Variants in PTPRT observed in about 807,000 individuals in gnomAD.
PTPRT encodes protein tyrosine phosphatase receptor type T.
In PTPRT, 56 loss-of-function variants were observed where a neutral mutation model predicts 176.8. That is an observed-to-expected ratio of 0.32 (90% CI 0.26 to 0.40). The LOEUF is 0.40. Ranked by LOEUF, PTPRT falls within the 10% of genes least tolerant of loss-of-function variation. The pLI is 1.00. For synonymous variants in PTPRT, 783 were observed against 739.0 expected (o/e 1.06, Z -0.96); for missense variants, 1,540 against 1,908.2 (o/e 0.81, Z 3.60).
At chr20:42,850,889 T>C (rs1205037349) in intron 2 of PTPRT, among the ~76,000 whole-genome samples, 6 of 152,158 alleles carry the variant, frequency 3.9e-5, no homozygotes, top group Admixed American at 3.3e-4. Flanking sequence ...TCTCATCAGA[T>C]GGAAAACTCA....
At chr20:42,098,106 CTGGCTCTGCAAGATCTGTG>C (rs1487253715) in intron 27 of PTPRT, among the ~76,000 whole-genome samples, 1 of 152,138 alleles carries the variant, frequency 6.6e-6, no homozygotes, top group Non-Finnish European at 1.5e-5. Context: ...AGGAAGCCTC[CTGGCTCTGCAAGATCTGTG>C]TGATTTGGAG....
At chr20:43,150,538 C>A (rs1271207369) in intron 1 of PTPRT, among the ~76,000 whole-genome samples, 1 of 152,076 alleles carries the variant, frequency 6.6e-6, no homozygotes, top group East Asian at 1.9e-4. Flanking sequence ...CTCACTGCAA[C>A]CTCCACCTCC....
chr20:42,189,337 T>A (rs1040654737), intron 16 of PTPRT, among the ~76,000 whole-genome samples: 3 of 152,226 alleles, frequency 2.0e-5, no homozygotes, highest in African/African-American at 7.2e-5. Flanking sequence ...GGGTGTCTGA[T>A]CAGTGTTTCT....
chr20:42,900,235 C>G (rs2079378751), intron 1 of PTPRT, among the ~76,000 whole-genome samples: 1 of 152,166 alleles, frequency 6.6e-6, no homozygotes, highest in Non-Finnish European at 1.5e-5. Context: ...CAGCTTGGCT[C>G]AAGCTAAGTT....
intron 9 of PTPRT, among the ~76,000 whole-genome samples, chr20:42,370,229 C>T (rs1404579805): frequency 6.6e-6 from 1 of 152,222 alleles, no homozygotes; most frequent in Non-Finnish European, 1.5e-5. Flanking sequence ...CTGGGGGAAA[C>T]AGCCCAGGAA....
At chr20:42,531,706 T>C (rs1336727013) in intron 7 of PTPRT, among the ~76,000 whole-genome samples, 3 of 152,206 alleles carry the variant, frequency 2.0e-5, no homozygotes, top group Admixed American at 2.0e-4. Context: ...GGACTCCCAG[T>C]GCTCCGGGAA....
chr20:42,588,490 G>T (rs2073511515), intron 7 of PTPRT, among the ~76,000 whole-genome samples: 1 of 152,052 alleles, frequency 6.6e-6, no homozygotes, highest in Admixed American at 6.6e-5. Context: ...AATGAAATGT[G>T]GCTGGTGCAA....
intron 2 of PTPRT, among the ~76,000 whole-genome samples, chr20:42,856,439 G>T (rs957053260): frequency 6.6e-6 from 1 of 151,980 alleles, no homozygotes. Context: ...AACTCACCCT[G>T]GAAGAAGAGA....
chr20:42,897,009 C>T (rs766988515), intron 1 of PTPRT, among the ~76,000 whole-genome samples: 1 of 151,988 alleles, frequency 6.6e-6, no homozygotes, highest in Non-Finnish European at 1.5e-5. Flanking sequence ...TAAATAAGTG[C>T]ACAAATATGG....
chr20:42,529,847 GAAAAAAA>G (rs140817588), intron 7 of PTPRT, among the ~76,000 whole-genome samples: 4 of 108,520 alleles, frequency 3.7e-5, no homozygotes, highest in Non-Finnish European at 7.7e-5. Flanking sequence ...CTTGTTAGAG[GAAAAAAA>G]AAAAAAAAAA....
intron 7 of PTPRT, among the ~76,000 whole-genome samples, chr20:42,645,329 C>T (rs1270698897): frequency 6.6e-6 from 1 of 152,140 alleles, no homozygotes; most frequent in Non-Finnish European, 1.5e-5. Context: ...GACCCTCATC[C>T]AATGTCGGCT....
At chr20:42,082,690 G>A (rs1983460096) in intron 29 of PTPRT, among the ~76,000 whole-genome samples, 1 of 152,156 alleles carries the variant, frequency 6.6e-6, no homozygotes, top group African/African-American at 2.4e-5. Context: ...CAGGGTTGGT[G>A]GCAGAACTGT....
chr20:42,916,904 T>G (rs960122512), intron 1 of PTPRT, among the ~76,000 whole-genome samples: 6 of 152,256 alleles, frequency 3.9e-5, no homozygotes, highest in Non-Finnish European at 2.9e-5. Flanking sequence ...TCTGCCATTC[T>G]GTAGGTTGCC....
At chr20:42,862,768 A>T (rs1420276453) in intron 2 of PTPRT, among the ~76,000 whole-genome samples, 1 of 152,186 alleles carries the variant, frequency 6.6e-6, no homozygotes, top group East Asian at 1.9e-4. Context: ...ATAATTTACT[A>T]CATTACAGCC....
intron 2 of PTPRT, among the ~76,000 whole-genome samples, chr20:42,845,100 G>A (rs1216496735): frequency 2.0e-5 from 3 of 152,146 alleles, no homozygotes; most frequent in Non-Finnish European, 2.9e-5. Flanking sequence ...AGACCAAAGT[G>A]TCTAGACATT....
intron 1 of PTPRT, among the ~76,000 whole-genome samples, chr20:43,184,894 CCTGCTCATTT>C (rs1369683906): frequency 3.9e-5 from 6 of 152,154 alleles, no homozygotes; most frequent in African/African-American, 1.4e-4. Context: ...ATGCCATTAT[CCTGCTCATTT>C]CTGCCTCTAC....
chr20:42,569,047 C>CAAAAAAAAAA (rs869193461), intron 7 of PTPRT, among the ~76,000 whole-genome samples: 1 of 20,448 alleles, frequency 4.9e-5, no homozygotes, highest in Non-Finnish European at 8.5e-5. Flanking sequence ...GACTCCATCT[C>CAAAAAAAAAA]AAAAAAAAAA....
chr20:42,890,976 T>G (rs539568933), intron 1 of PTPRT, among the ~76,000 whole-genome samples: 7 of 152,240 alleles, frequency 4.6e-5, no homozygotes, highest in Non-Finnish European at 1.0e-4. Flanking sequence ...CTCTCATTCT[T>G]TCTTGTCTGC....
intron 1 of PTPRT, among the ~76,000 whole-genome samples, chr20:43,167,034 C>A (rs1290965598): frequency 2.0e-5 from 3 of 152,158 alleles, no homozygotes; most frequent in East Asian, 3.9e-4. Flanking sequence ...TGACATTCAA[C>A]TTAGTCTAGC....
Sources: gnomAD v4.1 joint callset for allele counts (sites outside exome capture counted in the v4.1 genomes callset) on GRCh38, gnomAD v4.1.1 for gene constraint, MANE v1.5 for transcripts, NCBI Gene and HGNC (gene_info 2026-07-23, HGNC 2026-07-21) for gene names.